Variants in SAMMSON observed in about 807,000 individuals in gnomAD.
SAMMSON encodes survival associated mitochondrial melanoma specific oncogenic non-coding RNA, also known as long intergenic non-protein coding RNA 1212.
At chr3:70,432,647 A>G (rs1701423682) in intron 2 of SAMMSON, among the ~76,000 whole-genome samples, 1 of 152,028 alleles carries the variant, frequency 6.6e-6, no homozygotes, top group Non-Finnish European at 1.5e-5. Context: ...TGATGAGCCA[A>G]TATTGATGCA....
At chr3:70,286,634 G>C (rs1404272207) in intron 6 of SAMMSON, among the ~76,000 whole-genome samples, 1 of 151,878 alleles carries the variant, frequency 6.6e-6, no homozygotes, top group Non-Finnish European at 1.5e-5. Context: ...CATTGAATCT[G>C]TAAATTACCT....
chr3:70,387,753 T>C (rs17007189), intron 9 of SAMMSON, among the ~76,000 whole-genome samples: 13,226 of 152,130 alleles, frequency 0.087, 660 homozygotes, highest in African/African-American at 0.15. Flanking sequence ...ACAATTCTTA[T>C]GGATATATTC....
chr3:70,286,393 G>A (rs1297712104), intron 6 of SAMMSON, among the ~76,000 whole-genome samples: 5 of 151,744 alleles, frequency 3.3e-5, no homozygotes, highest in African/African-American at 9.7e-5. Flanking sequence ...ATTTCTGAGG[G>A]CTCTGTTCTG....
intron 7 of SAMMSON, among the ~76,000 whole-genome samples, chr3:70,308,023 G>C (rs913745975): frequency 6.6e-6 from 1 of 152,060 alleles, no homozygotes; most frequent in East Asian, 1.9e-4. Context: ...CCCACAGTTT[G>C]CATAATGCAG....
At chr3:70,010,870 C>T (rs887454700) in intron 1 of SAMMSON, among the ~76,000 whole-genome samples, 2 of 152,048 alleles carry the variant, frequency 1.3e-5, no homozygotes, top group African/African-American at 4.8e-5. Context: ...GGGGAAATGC[C>T]AGACGCTTAT....
At chr3:70,300,056 A>G (rs1702332786) in intron 7 of SAMMSON, among the ~76,000 whole-genome samples, 1 of 152,100 alleles carries the variant, frequency 6.6e-6, no homozygotes, top group African/African-American at 2.4e-5. Context: ...AACACTACCC[A>G]TGATTTATAG....
chr3:70,189,749 C>A (rs1302428002), intron 4 of SAMMSON, among the ~76,000 whole-genome samples: 3 of 151,978 alleles, frequency 2.0e-5, no homozygotes, highest in Admixed American at 6.6e-5. Context: ...AGGAATATAT[C>A]TTTTAAAACA....
At chr3:70,399,212 C>T (rs926614031) in intron 2 of SAMMSON, among the ~76,000 whole-genome samples, 4 of 152,068 alleles carry the variant, frequency 2.6e-5, no homozygotes, top group African/African-American at 4.8e-5. Context: ...TGTTTATTTC[C>T]GTTTTAGAGG....
intron 7 of SAMMSON, among the ~76,000 whole-genome samples, chr3:70,312,334 C>T (rs2106711025): frequency 6.6e-6 from 1 of 152,260 alleles, no homozygotes; most frequent in African/African-American, 2.4e-5. Flanking sequence ...AAGCATGCTG[C>T]AAAGTGGTAT....
intron 7 of SAMMSON, among the ~76,000 whole-genome samples, chr3:70,322,874 C>T (rs576588258): frequency 6.6e-6 from 1 of 152,052 alleles, no homozygotes; most frequent in Non-Finnish European, 1.5e-5. Context: ...TAAAACCACA[C>T]AGGACCTACA....
intron 2 of SAMMSON, among the ~76,000 whole-genome samples, chr3:70,423,232 G>A (rs2106775506): frequency 1.3e-5 from 2 of 152,200 alleles, no homozygotes; most frequent in Middle Eastern, 6.8e-3. Flanking sequence ...CAGTGGGGCT[G>A]GGGATTACAA....
chr3:70,080,049 C>G (rs912433731), intron 4 of SAMMSON, among the ~76,000 whole-genome samples: 1 of 152,222 alleles, frequency 6.6e-6, no homozygotes, highest in African/African-American at 2.4e-5. Context: ...GCCTGGGATT[C>G]TTGATTGGCT....
chr3:70,347,959 C>G (rs1702764809), intron 7 of SAMMSON, among the ~76,000 whole-genome samples: 1 of 152,168 alleles, frequency 6.6e-6, no homozygotes, highest in East Asian at 1.9e-4. Context: ...ATGAGAATTG[C>G]TTGAACCCAG....
intron 7 of SAMMSON, among the ~76,000 whole-genome samples, chr3:70,335,906 C>A (rs569279219): frequency 6.6e-6 from 1 of 151,914 alleles, no homozygotes; most frequent in South Asian, 2.1e-4. Flanking sequence ...AACCAGGAGA[C>A]CCCATCTTGG....
chr3:70,123,270 T>C (rs959453987), intron 4 of SAMMSON, among the ~76,000 whole-genome samples: 1 of 152,204 alleles, frequency 6.6e-6, no homozygotes, highest in African/African-American at 2.4e-5. Flanking sequence ...TAGTTTGTTT[T>C]GTTTTGTGTT....
chr3:70,400,823 T>G (rs1701134113), intron 2 of SAMMSON, among the ~76,000 whole-genome samples: 1 of 151,976 alleles, frequency 6.6e-6, no homozygotes, highest in Admixed American at 6.6e-5. Context: ...TTCCAGCTAC[T>G]CAGGAGGCTG....
intron 9 of SAMMSON, among the ~76,000 whole-genome samples, chr3:70,359,242 G>A (rs1478403008): frequency 2.6e-5 from 4 of 152,098 alleles, no homozygotes; most frequent in Non-Finnish European, 5.9e-5. Context: ...CTTAATGTGA[G>A]CAATCTTTTC....
At chr3:70,181,636 A>G (rs1701054055) in intron 4 of SAMMSON, among the ~76,000 whole-genome samples, 1 of 151,914 alleles carries the variant, frequency 6.6e-6, no homozygotes, top group Non-Finnish European at 1.5e-5. Flanking sequence ...TTTATATTAA[A>G]CCCTACCATG....
In SAMMSON at chr3:70,246,671, G is replaced by A. The variant is rs545702160; in HGVS notation, n.508-2436G>A. Reference sequence around the variant, plus strand: ...ACAACCTACATTTATATAGCAATACGTGGGACACAATACTAAAAAAAATTA... The same window carrying A: ...ACAACCTACATTTATATAGCAATACATGGGACACAATACTAAAAAAAATTA... On this transcript the variant is annotated intron_variant and non_coding_transcript_variant, in intron 4 of 9. Transcript: ENST00000642114. Among the ~76,000 whole-genome samples the A allele has an allele frequency of 5.7e-4, 86 of 152,034 alleles. 1 individual carries two copies. In the Middle Eastern group the frequency reaches 0.01, roughly 18 times the overall value.
Sources: gnomAD v4.1 joint callset for allele counts (sites outside exome capture counted in the v4.1 genomes callset) on GRCh38, gnomAD v4.1.1 for gene constraint, MANE v1.5 for transcripts, NCBI Gene and HGNC (gene_info 2026-07-23, HGNC 2026-07-21) for gene names.